Variants in GCKR observed in about 807,000 individuals in gnomAD.
The protein encoded by GCKR is glucokinase regulator, also known as glucokinase regulatory protein.
Under a neutral mutation model 82.9 loss-of-function variants are expected in GCKR, and 73 were observed. That is an observed-to-expected ratio of 0.88 (90% CI 0.73 to 1.07). The LOEUF is 1.07. Among genes scored for constraint, GCKR ranks in the 50% least tolerant of loss-of-function variants. The pLI is 0.00. For synonymous variants in GCKR, 294 were observed against 291.8 expected (o/e 1.01, Z -0.08); for missense variants, 784 against 782.1 (o/e 1.00, Z -0.03).
chr2:27,507,986 C>A lies in GCKR; in HGVS notation c.1250C>A (p.Thr417Lys). The A allele has an allele frequency of 6.2e-7, 1 of 1,610,514 alleles. No individual in the cohort carries two copies. Among genetic ancestry groups the A allele is most frequent in the Non-Finnish European group, 8.5e-7 (1 of 1,176,818 alleles). ...VFIFTLDDNL[T>K]EVQTIVEQVK... is the part of the protein sequence containing the mutation. ...CCTCCCCTTCTCCTAGACAACCTCA[C>A]GGAGGTGCAGACTATAGTGGAGCAG... Residue 417 changes from threonine (T) to lysine (K), a missense_variant, in exon 15 of 19, where the codon ACG becomes AAG. By Grantham distance (78) the Thr-to-Lys change is moderately conservative. Coordinates refer to ENST00000264717, the MANE Select transcript of GCKR (RefSeq NM_001486.4).
At position 27,506,879 on chromosome 2, in the gene GCKR, G is replaced by C. The variant is rs774521621; in HGVS notation, c.1060G>C (p.Gly354Arg). Residue 354 changes from glycine (G) to arginine (R), a missense_variant, in exon 12 of 19, where the codon GGT becomes CGT. Coordinates refer to ENST00000264717, the MANE Select transcript of GCKR (RefSeq NM_001486.4). ...MDGVECIHTF[G>R]ADFRDVRGFL... ...TGGAGTAGAGTGCATCCACACCTTT[G>C]GTGCTGGTGGGACCCCAGTCCAGAT... 4.4e-6 allele frequency: 7 copies of C among 1,593,274 alleles called. No individual in the cohort carries two copies. The highest frequency in any genetic ancestry group is 6.0e-6 in the Non-Finnish European group (7 of 1,161,034).
intron 16 of GCKR, among the ~76,000 whole-genome samples, chr2:27,513,940 TG>T (rs1669946493): frequency 6.7e-6 from 1 of 150,016 alleles, no homozygotes; most frequent in South Asian, 2.1e-4. Context: ...TGTGTGTGTG[TG>T]TGTGTGTAAC....
chr2:27,521,206 T>C (rs1670143660), intron 17 of GCKR, among the ~76,000 whole-genome samples: 1 of 152,148 alleles, frequency 6.6e-6, no homozygotes. Flanking sequence ...GGGTTATATA[T>C]TGGGTTAAAT....
At chr2:27,508,389 T>C in intron 16 of GCKR, 138 bp downstream of exon 16, 2 of 695,564 alleles carry the variant, frequency 2.9e-6, no homozygotes, top group Non-Finnish European at 5.3e-6. Flanking sequence ...GGCAAGGTCA[T>C]GGGTTACCAG....
At chr2:27,506,673 C>A in intron 11 of GCKR, 94 bp downstream of exon 11, 2 of 1,102,694 alleles carry the variant, frequency 1.8e-6, no homozygotes, top group Admixed American at 1.7e-5. Context: ...ACGGTATGGG[C>A]GATAGGATTG....
chr2:27,502,608 C>T (rs183423454), intron 8 of GCKR, among the ~76,000 whole-genome samples: 3 of 152,276 alleles, frequency 2.0e-5, no homozygotes, highest in African/African-American at 7.2e-5. Context: ...TTAGTCTCCT[C>T]TTTCTTAGGA....
In GCKR at chr2:27,512,768, A is replaced by G. The variant is rs139634576; in HGVS notation, c.1422+4517A>G. 4.9e-3 allele frequency among the ~76,000 whole-genome samples: 746 copies of G among 152,294 alleles called. 7 individuals are homozygous for G. Among genetic ancestry groups the G allele is most frequent in the African/African-American group, 0.017 (707 of 41,558 alleles). ...TCCAGGATCCAATCAAGGATAATGCACTGCATTCAGTTATCAGGTCTTTTG... is the reference window on the plus strand; with the variant it reads ...TCCAGGATCCAATCAAGGATAATGCGCTGCATTCAGTTATCAGGTCTTTTG... On this transcript the variant is annotated intron_variant, in intron 16 of 18. Transcript: ENST00000264717.
At chr2:27,498,588 G>A (rs1021221548) in intron 4 of GCKR, 136 bp from the exon 5 acceptor site, 3 of 719,206 alleles carry the variant, frequency 4.2e-6, no homozygotes, top group South Asian at 1.5e-5. Context: ...CTTTAAGTGC[G>A]AGATTCCATG....
intron 9 of GCKR, among the ~76,000 whole-genome samples, chr2:27,504,503 G>T (rs1669661716): frequency 1.3e-5 from 2 of 151,938 alleles, no homozygotes; most frequent in Non-Finnish European, 2.9e-5. Flanking sequence ...GATTACAGGT[G>T]CCTGCCACCA....
At chr2:27,520,464 G>A (rs1255130584) in intron 17 of GCKR, among the ~76,000 whole-genome samples, 1 of 152,178 alleles carries the variant, frequency 6.6e-6, no homozygotes, top group Non-Finnish European at 1.5e-5. Flanking sequence ...AGAGCGCAGT[G>A]AGGGATTGTG....
At chr2:27,513,435 C>G (rs935998078) in intron 16 of GCKR, among the ~76,000 whole-genome samples, 6 of 150,320 alleles carry the variant, frequency 4.0e-5, no homozygotes, top group South Asian at 2.1e-4. Flanking sequence ...GAGGCTGAGT[C>G]GGAGAATTGT....
chr2:27,506,896 A>G lies in GCKR; in HGVS notation c.1066+11A>G. ...ACACCTTTGGTGCTGGTGGGACCCC[A>G]GTCCAGATGTTCTTCCTGCTTCCTC... On this transcript the variant is annotated intron_variant, in intron 12 of 18. Transcript: ENST00000264717. 6.5e-7 allele frequency: 1 copy of G among 1,528,884 alleles called. No individual in the cohort carries two copies. The highest frequency in any genetic ancestry group is 2.2e-5 in the East Asian group (1 of 44,482). 94.7% of individuals were successfully genotyped at this position (1,528,884 alleles called of 1,614,324 possible).
At chr2:27,505,414 A>G (rs989801038) in intron 9 of GCKR, among the ~76,000 whole-genome samples, 4 of 150,996 alleles carry the variant, frequency 2.6e-5, no homozygotes, top group East Asian at 1.9e-4. Context: ...AAAAAAAAAA[A>G]AAAAAGAAAA....
chr2:27,497,465 C>T, intron 2 of GCKR, 66 bp downstream of exon 2: 2 of 1,589,690 alleles, frequency 1.3e-6, no homozygotes, highest in Admixed American at 3.3e-5. Context: ...CCTCTGCTCT[C>T]CCTCACCATG....
At chr2:27,502,353 G>A (rs1669606327) in intron 8 of GCKR, among the ~76,000 whole-genome samples, 2 of 152,204 alleles carry the variant, frequency 1.3e-5, no homozygotes, top group South Asian at 4.1e-4. Flanking sequence ...TAGGCGTGGA[G>A]ATCTTCCAGT....
chr2:27,509,001 G>A (rs999997437), intron 16 of GCKR, among the ~76,000 whole-genome samples: 2 of 151,958 alleles, frequency 1.3e-5, no homozygotes, highest in African/African-American at 4.8e-5. Flanking sequence ...AATAATCAGT[G>A]TGTGTGCTCT....
intron 8 of GCKR, chr2:27,501,811 TA>T (rs1194919736): frequency 1.3e-5 from 6 of 470,634 alleles, no homozygotes; most frequent in Non-Finnish European, 2.6e-5. Context: ...TATTTCAGAA[TA>T]AATCAACATA....
In GCKR at chr2:27,497,542, T is replaced by C. The variant is rs567668861; in HGVS notation, c.217-20T>C. The C allele has an allele frequency of 4.4e-6, 7 of 1,601,266 alleles. No homozygotes were observed. The South Asian group carries it at 6.6e-5, about 15-fold the overall frequency. ...TCGTCCTCCTTTTCTTGGCTTCTCA[T>C]TCCTGCATATTCCCTACAGAGACTC... is the stretch of plus-strand genomic sequence containing the variant. On this transcript the variant is annotated intron_variant, in intron 2 of 18. Transcript: ENST00000264717.
rs1242773900 is a variant in GCKR, at chr2:27,522,553, C to G, written c.1666C>G (p.Pro556Ala). 6.2e-7 allele frequency: 1 copy of G among 1,613,926 alleles called. No homozygotes were observed. The highest frequency in any genetic ancestry group is 1.3e-5 in the African/African-American group (1 of 74,934). ...QPLSDDIRAA[P>A]ISCHVQVAHE... is the part of the protein sequence containing the mutation. ...ACTGTCAGATGATATTCGGGCTGCT[C>G]CCATCTCCTGCCATGTCCAGGTTGC... The change falls in exon 18 of 19, where the codon CCC becomes GCC. Residue 556 changes from proline to alanine, a missense_variant. Coordinates refer to ENST00000264717, the MANE Select transcript of GCKR (RefSeq NM_001486.4).
Sources: gnomAD v4.1 joint callset for allele counts (sites outside exome capture counted in the v4.1 genomes callset) on GRCh38, gnomAD v4.1.1 for gene constraint, MANE v1.5 for transcripts, NCBI Gene and HGNC (gene_info 2026-07-23, HGNC 2026-07-21) for gene names.